Variants in PCGF6 observed in about 807,000 individuals in gnomAD.
PCGF6 encodes the protein polycomb group RING finger protein 6.
PCGF6 carries 24 observed loss-of-function variants against 45.5 expected under a neutral mutation model. That is an observed-to-expected ratio of 0.53 (90% CI 0.38 to 0.74). PCGF6 has a LOEUF of 0.74. Among genes scored for constraint, PCGF6 ranks in the 30% least tolerant of loss-of-function variants. The pLI, the probability that PCGF6 is intolerant of heterozygous loss-of-function variation, is 0.00. For synonymous variants in PCGF6, 152 were observed against 162.1 expected, an observed-to-expected ratio of 0.94 and a Z score of 0.47; for missense variants, 356 against 443.2, an observed-to-expected ratio of 0.80 and a Z score of 1.77.
chr10:103,331,613 C>G (rs2093240286), intron 7 of PCGF6, among the ~76,000 whole-genome samples: 1 of 152,140 alleles, frequency 6.6e-6, no homozygotes, highest in South Asian at 2.1e-4. Context: ...AAATAATGTG[C>G]ACACAATGTA....
intron 7 of PCGF6, among the ~76,000 whole-genome samples, chr10:103,332,214 G>C (rs1331352624): frequency 6.6e-6 from 1 of 152,150 alleles, no homozygotes. Flanking sequence ...GTTTTTTCAT[G>C]TGTAAGAACC....
At chr10:103,310,681 C>CA (rs869038534) in intron 9 of PCGF6, among the ~76,000 whole-genome samples, 114 of 144,742 alleles carry the variant, frequency 7.9e-4, no homozygotes, top group Middle Eastern at 3.6e-3. Context: ...GCAATTATAC[C>CA]AAAAAAAAAA....
chr10:103,349,344 A>G (rs1445663807), intron 1 of PCGF6, among the ~76,000 whole-genome samples: 1 of 151,834 alleles, frequency 6.6e-6, no homozygotes, highest in African/African-American at 2.4e-5. Flanking sequence ...CACCGCGCTC[A>G]GTCCACCTTC....
At chr10:103,308,586 TGA>T (rs2133553525) in intron 9 of PCGF6, among the ~76,000 whole-genome samples, 1 of 151,842 alleles carries the variant, frequency 6.6e-6, no homozygotes, top group African/African-American at 2.4e-5. Flanking sequence ...TAAGATTTAA[TGA>T]GAGCCAGGCA....
chr10:103,341,059 GTC>G (rs1412537167), intron 6 of PCGF6, among the ~76,000 whole-genome samples: 1 of 151,768 alleles, frequency 6.6e-6, no homozygotes, highest in Non-Finnish European at 1.5e-5. Flanking sequence ...GCGAAACCCT[GTC>G]TCTACTAAAA....
At chr10:103,310,450 C>T (rs2093153220) in intron 9 of PCGF6, among the ~76,000 whole-genome samples, 2 of 152,084 alleles carry the variant, frequency 1.3e-5, no homozygotes, top group South Asian at 4.1e-4. Flanking sequence ...TTTGTTGAAA[C>T]TCATGCATTT....
At chr10:103,313,177 A>ATC (rs2133558477) in intron 9 of PCGF6, among the ~76,000 whole-genome samples, 1 of 152,370 alleles carries the variant, frequency 6.6e-6, no homozygotes, top group African/African-American at 2.4e-5. Flanking sequence ...TATCTACTGT[A>ATC]TAAGAAAAGC....
intron 5 of PCGF6, 133 bp from the exon 6 acceptor site, chr10:103,345,265 T>C (rs2133598173): frequency 1.5e-6 from 1 of 650,868 alleles, no homozygotes; most frequent in Admixed American, 3.0e-5. Flanking sequence ...TCCCTGTCTT[T>C]AATGACATTG....
At chr10:103,348,350 T>C (rs906315880) in intron 3 of PCGF6, 1 of 158,656 alleles carries the variant, frequency 6.3e-6, no homozygotes, top group Admixed American at 6.2e-5. Context: ...GTTTTTTTTT[T>C]TTTTGAGATA....
intron 8 of PCGF6, among the ~76,000 whole-genome samples, chr10:103,316,480 T>C (rs1290199825): frequency 2.0e-5 from 3 of 152,226 alleles, no homozygotes; most frequent in Non-Finnish European, 4.4e-5. Context: ...GTAACTACAA[T>C]TCTGATTTTA....
chr10:103,345,262 C>T (rs2093295165), intron 5 of PCGF6, 130 bp from the exon 6 acceptor site: 3 of 658,160 alleles, frequency 4.6e-6, no homozygotes, highest in South Asian at 2.1e-5. Flanking sequence ...ATCTCCCTGT[C>T]TTTAATGACA....
In PCGF6 at chr10:103,351,060, C is replaced by T. The variant is rs767902294; in HGVS notation, c.7G>A (p.Gly3Arg). The change falls in exon 1 of 10, where the codon GGG (glycine) becomes AGG (arginine). Residue 3 changes from glycine to arginine, a missense_variant. Coordinates refer to ENST00000369847, the MANE Select transcript of PCGF6 (RefSeq NM_001011663.2). ...CTGCCCGCCGTCACCACCGCGACCC[C>T]CTCCATGGTCGGGAGAGACACCAGG... Reference protein sequence around the residue: MEGVAVVTAGSVG... With the variant: MERVAVVTAGSVG... 3.6e-6 allele frequency: 5 copies of T among 1,389,466 alleles called. No individual in the cohort carries two copies. The highest frequency in any genetic ancestry group is 4.7e-6 in the Non-Finnish European group (5 of 1,071,986). 86.1% of individuals were successfully genotyped at this position (1,389,466 alleles called of 1,614,324 possible). A position where few individuals can be genotyped will look rare whatever the true frequency, so the allele number is the denominator to read the frequency against.
intron 8 of PCGF6, among the ~76,000 whole-genome samples, chr10:103,318,397 C>T (rs1443485956): frequency 1.4e-5 from 2 of 144,606 alleles, no homozygotes; most frequent in Non-Finnish European, 3.0e-5. Context: ...GAACCGAGAT[C>T]GCGCCACTGC....
chr10:103,309,200 G>GC (rs1200189934), intron 9 of PCGF6, among the ~76,000 whole-genome samples: 1 of 151,946 alleles, frequency 6.6e-6, no homozygotes, highest in Non-Finnish European at 1.5e-5. Flanking sequence ...ATTTGGTGGG[G>GC]GGGGGGCATG....
intron 6 of PCGF6, 119 bp downstream of exon 6, chr10:103,344,905 T>C (rs2133597698): frequency 1.5e-6 from 1 of 662,652 alleles, no homozygotes; most frequent in East Asian, 2.8e-5. Flanking sequence ...TAATATTCAG[T>C]TATTTCATAA....
chr10:103,346,038 CA>C (rs1396060169), intron 5 of PCGF6, among the ~76,000 whole-genome samples: 1 of 149,330 alleles, frequency 6.7e-6, no homozygotes, highest in African/African-American at 2.5e-5. Flanking sequence ...ACTAAAAATA[CA>C]AAAAAAATTA....
At chr10:103,322,902 A>C (rs1181790521) in intron 8 of PCGF6, among the ~76,000 whole-genome samples, 3 of 151,406 alleles carry the variant, frequency 2.0e-5, no homozygotes, top group African/African-American at 7.3e-5. Flanking sequence ...AAAACAAAAA[A>C]CAAAAAAAAA....
At position 103,350,296 on chromosome 10, in the gene PCGF6, C is replaced by T. The variant is rs563892211; in HGVS notation, c.360+411G>A. On this transcript the variant is annotated intron_variant, in intron 1 of 9. Transcript: ENST00000369847. ...AAAAAAAAAAAATGTTTAATTAGCC[C>T]GGCGTGGTGGCGCGTGCCTGTAGTC... Among the ~76,000 whole-genome samples, 14 of 149,522 alleles carry T rather than the reference C, an allele frequency of 9.4e-5. No individual in the cohort carries two copies. In the South Asian group the frequency reaches 2.8e-3, roughly 30 times the overall value.
intron 5 of PCGF6, among the ~76,000 whole-genome samples, chr10:103,346,518 G>A (rs2093300033): frequency 6.6e-6 from 1 of 152,106 alleles, no homozygotes; most frequent in Admixed American, 6.6e-5. Flanking sequence ...CAGCTACTCA[G>A]GAGGCTGAGG....
Sources: allele counts gnomAD v4.1 joint callset (sites outside exome capture counted in the v4.1 genomes callset), GRCh38; gene constraint gnomAD v4.1.1; transcripts MANE v1.5; gene names NCBI Gene and HGNC (gene_info 2026-07-23, HGNC 2026-07-21).